Variants in GGA2 observed in about 807,000 individuals in gnomAD.
The protein encoded by GGA2 is golgi associated, gamma adaptin ear containing, ARF binding protein 2.
A neutral mutation model predicts 79.5 loss-of-function variants in GGA2; 48 were observed. That is an observed-to-expected ratio of 0.60 (90% CI 0.48 to 0.77). GGA2 has a LOEUF of 0.77. Among genes scored for constraint, GGA2 ranks in the 30% least tolerant of loss-of-function variants. The pLI, the probability that GGA2 is intolerant of heterozygous loss-of-function variation, is 0.00. For missense variants in GGA2, 770 were observed against 774.0 expected, an observed-to-expected ratio of 0.99 and a Z score of 0.06; for synonymous variants, 317 against 302.0, an observed-to-expected ratio of 1.05 and a Z score of -0.51.
At chr16:23,523,670 C>CTGT (rs1280737464), upstream of GGA2, 7 of 152,276 alleles carry the variant, frequency 4.6e-5, no homozygotes, top group African/African-American at 9.6e-5. Context: ...GGGCTGAATT[C>CTGT]TGTCCCCCTA....
chr16:23,516,466 T>A (rs891399821), intron 2 of GGA2, among the ~76,000 whole-genome samples: 3 of 152,144 alleles, frequency 2.0e-5, no homozygotes, highest in Non-Finnish European at 4.4e-5. Flanking sequence ...ATAGCCCTTT[T>A]CTGTGCCTCA....
Position 23,478,869 on chromosome 16 carries a change from A to C in GGA2, c.1158+14T>G, listed in dbSNP as rs755436439. ...TCCCATTCTCTCTCCGGGCCCTGGG[A>C]AGGGCATCCTTACCATGCCTGTAAC... On this transcript the variant is annotated intron_variant, in intron 12 of 16. Coordinates refer to ENST00000309859, the MANE Select transcript of GGA2 (RefSeq NM_015044.4). The C allele has an allele frequency of 1.6e-5, 26 of 1,590,294 alleles. No homozygotes were observed. Among genetic ancestry groups the C allele is most frequent in the Non-Finnish European group, 2.2e-5 (26 of 1,159,336 alleles).
chr16:23,496,112 C>CCT (rs1363037585), intron 1 of GGA2, among the ~76,000 whole-genome samples: 20 of 151,810 alleles, frequency 1.3e-4, no homozygotes, highest in African/African-American at 4.6e-4. Context: ...ACTAGCCTGA[C>CCT]CAACATGATG....
intron 1 of GGA2, among the ~76,000 whole-genome samples, chr16:23,509,443 C>T (rs183319779): frequency 6.6e-6 from 1 of 152,292 alleles, no homozygotes. Flanking sequence ...TCCTCCTCCT[C>T]GCCAATCCCG....
chr16:23,487,216 G>A (rs1323992687), intron 6 of GGA2, among the ~76,000 whole-genome samples: 1 of 152,034 alleles, frequency 6.6e-6, no homozygotes, highest in African/African-American at 2.4e-5. Context: ...TCTTGACCTC[G>A]TGATCCACCC....
At chr16:23,488,331 TG>T (rs1298656977) in intron 6 of GGA2, among the ~76,000 whole-genome samples, 4 of 152,148 alleles carry the variant, frequency 2.6e-5, no homozygotes, top group African/African-American at 4.8e-5. Flanking sequence ...AGATCTACAC[TG>T]GGGTAAGGCA....
intron 9 of GGA2, 84 bp downstream of exon 9, chr16:23,482,839 G>T: frequency 2.3e-6 from 2 of 866,040 alleles, no homozygotes. Flanking sequence ...ACTCTGTCTT[G>T]TTCCTGGCAC....
intron 11 of GGA2, 62 bp downstream of exon 11, chr16:23,479,690 CTCCGCGAAGGGAA>C (rs1964622783): frequency 6.5e-7 from 1 of 1,530,928 alleles, no homozygotes; most frequent in Non-Finnish European, 9.0e-7. Context: ...CAGGCATGTG[CTCCGCGAAGGGAA>C]CCAGCTCACT....
At chr16:23,482,243 G>A (rs770593650) in intron 9 of GGA2, among the ~76,000 whole-genome samples, 10 of 152,264 alleles carry the variant, frequency 6.6e-5, no homozygotes, top group African/African-American at 2.4e-4. Context: ...TAACCTGGAC[G>A]ACAGAGCGAG....
intron 13 of GGA2, among the ~76,000 whole-genome samples, chr16:23,478,147 C>T (rs545075699): frequency 1.4e-5 from 2 of 145,398 alleles, no homozygotes; most frequent in East Asian, 2.0e-4. Context: ...TGTAGTGAGC[C>T]GAGATTGTGC....
chr16:23,523,402 G>C (rs1965172142), upstream of GGA2: 2 of 152,240 alleles, frequency 1.3e-5, no homozygotes, highest in Non-Finnish European at 2.9e-5. Flanking sequence ...CCAGTCCAAG[G>C]ACCAGGTCTG....
intron 1 of GGA2, among the ~76,000 whole-genome samples, chr16:23,502,649 G>A (rs1280124590): frequency 6.6e-6 from 1 of 152,218 alleles, no homozygotes; most frequent in African/African-American, 2.4e-5. Context: ...TTCACATATG[G>A]AGAGGAGCAG....
At chr16:23,489,870 CAG>C (rs749049044) in intron 5 of GGA2, among the ~76,000 whole-genome samples, 18 of 152,128 alleles carry the variant, frequency 1.2e-4, no homozygotes, top group Middle Eastern at 3.4e-3. Flanking sequence ...AGAGAAAAAA[CAG>C]GGGAGAAAAA....
At chr16:23,501,308 A>C in intron 1 of GGA2, 3 of 456,968 alleles carry the variant, frequency 6.6e-6, no homozygotes, top group South Asian at 4.6e-5. Context: ...CCTTGGAGCC[A>C]TGCTTCTTGC....
chr16:23,468,832 C>T, intron 16 of GGA2, 54 bp downstream of exon 16: 1 of 987,976 alleles, frequency 1.0e-6, no homozygotes, highest in Non-Finnish European at 1.6e-6. Flanking sequence ...AAGTTACCTC[C>T]CCTTACAGTT....
chr16:23,500,156 C>T (rs1378474373), intron 1 of GGA2, among the ~76,000 whole-genome samples: 2 of 152,228 alleles, frequency 1.3e-5, no homozygotes, highest in East Asian at 3.9e-4. Flanking sequence ...GACAAGGCAG[C>T]TCAGGGGAGG....
chr16:23,496,285 A>G (rs1027692631), intron 1 of GGA2, among the ~76,000 whole-genome samples: 2 of 142,280 alleles, frequency 1.4e-5, no homozygotes, highest in African/African-American at 5.3e-5. Flanking sequence ...CCCAGGAGAC[A>G]GAGGGAGACT....
chr16:23,490,045 G>A (rs775243288), intron 5 of GGA2, among the ~76,000 whole-genome samples: 35 of 152,266 alleles, frequency 2.3e-4, no homozygotes, highest in Admixed American at 7.2e-4. Context: ...GGCCCTGCCC[G>A]CCACCCTATC....
Position 23,515,806 on chromosome 16 carries a change from C to G in GGA2, c.61+3781G>C, listed in dbSNP as rs76573353. On this transcript the variant is annotated intron_variant, in intron 2 of 5. Transcript: ENST00000569300. ...GGCTTTCCTGGGTCTCCAGCTTACACAAGCAGATCAGATGACTTTTCAGCT... is the reference window on the plus strand; with the variant it reads ...GGCTTTCCTGGGTCTCCAGCTTACAGAAGCAGATCAGATGACTTTTCAGCT... 7.2e-3 allele frequency among the ~76,000 whole-genome samples: 1,095 copies of G among 152,220 alleles called. 38 individuals are homozygous for G. The highest frequency in any genetic ancestry group is 0.053 in the Admixed American group (807 of 15,270).
Sources: gnomAD v4.1 joint callset for allele counts (sites outside exome capture counted in the v4.1 genomes callset) on GRCh38, gnomAD v4.1.1 for gene constraint, MANE v1.5 for transcripts, NCBI Gene and HGNC (gene_info 2026-07-23, HGNC 2026-07-21) for gene names.